The following GABRG2 variants were observed in gnomAD, a reference collection of about 807,000 sequenced individuals.
GABRG2 encodes the protein gamma-aminobutyric acid receptor subunit gamma-2.
GABRG2 carries 16 observed loss-of-function variants against 56.4 expected under a neutral mutation model. The observed-to-expected ratio is 0.28, with a 90% CI of 0.19 to 0.43. The LOEUF (loss-of-function observed/expected upper bound fraction) is 0.43. Among genes scored for constraint, GABRG2 ranks in the 20% least tolerant of loss-of-function variants. The pLI, the probability that GABRG2 is intolerant of heterozygous loss-of-function variation, is 1.00. For synonymous variants in GABRG2, 208 were observed against 205.5 expected, an observed-to-expected ratio of 1.01 and a Z score of -0.10; for missense variants, 327 against 582.7, an observed-to-expected ratio of 0.56 and a Z score of 4.52.
chr5:162,136,356 G>A (rs953445421), intron 6 of GABRG2, among the ~76,000 whole-genome samples: 3 of 152,060 alleles, frequency 2.0e-5, no homozygotes, highest in Non-Finnish European at 2.9e-5. Flanking sequence ...TAGCTCTCGC[G>A]CACTTGAAAT....
Position 162,099,120 on chromosome 5 carries a change from T to C in GABRG2, c.548+1262T>C, listed in dbSNP as rs985298517. Reference sequence around the variant, plus strand: ...ATGTGCTTGCTCAACATACAAAATATAATACTTGAATAGGCTCCAAAATCT... The same window carrying C: ...ATGTGCTTGCTCAACATACAAAATACAATACTTGAATAGGCTCCAAAATCT... On this transcript the variant is annotated intron_variant, in intron 4 of 9. Transcript: ENST00000639213. 2.0e-4 allele frequency: 30 copies of C among 152,140 alleles called. 2 individuals are homozygous for C. Among genetic ancestry groups the C allele is most frequent in the Admixed American group, 1.8e-3 (28 of 15,254 alleles). The allele number at this position is 152,140 out of a possible 1,614,324, so 9.4% of individuals were successfully genotyped here.
At chr5:162,096,943 A>G (rs546668858) in intron 3 of GABRG2, among the ~76,000 whole-genome samples, 1 of 152,144 alleles carries the variant, frequency 6.6e-6, no homozygotes, top group African/African-American at 2.4e-5. Context: ...GTAAATAGTG[A>G]AAAAAACCCT....
intron 6 of GABRG2, among the ~76,000 whole-genome samples, chr5:162,109,387 A>T (rs1762072147): frequency 5.6e-5 from 3 of 53,720 alleles, no homozygotes; most frequent in Non-Finnish European, 1.0e-4. Flanking sequence ...AACTTAAAGT[A>T]TAATATATAT....
chr5:162,122,921 A>G (rs1413342386), intron 6 of GABRG2, among the ~76,000 whole-genome samples: 1 of 151,704 alleles, frequency 6.6e-6, no homozygotes, highest in Admixed American at 6.6e-5. Flanking sequence ...TATTTTGTTG[A>G]TTCTTGTTTA....
Position 162,145,043 on chromosome 5 carries a change from T to G in GABRG2, c.922+2727T>G, listed in dbSNP as rs528169612. 8.4e-4 allele frequency among the ~76,000 whole-genome samples: 128 copies of G among 152,300 alleles called. 1 individual carries two copies. The highest frequency in any genetic ancestry group is 2.9e-3 in the African/African-American group (122 of 41,554). ...CTGCTCTAGACTTCATTGAGTCCCA[T>G]TACTTTTCTCAATGTTTACAATCCA... On this transcript the variant is annotated intron_variant, in intron 7 of 9. Coordinates refer to ENST00000639213, the MANE Select transcript of GABRG2 (RefSeq NM_198904.4).
intron 6 of GABRG2, among the ~76,000 whole-genome samples, chr5:162,105,489 G>T (rs1761744053): frequency 1.4e-5 from 2 of 140,408 alleles, no homozygotes; most frequent in South Asian, 4.6e-4. Context: ...GAGTGCAGTG[G>T]CGAGATCTCT....
chr5:162,141,149 G>A (rs1204679364), intron 6 of GABRG2, among the ~76,000 whole-genome samples: 2 of 151,994 alleles, frequency 1.3e-5, no homozygotes, highest in East Asian at 3.9e-4. Context: ...CCATTCTCCT[G>A]CCTAAGCCTC....
At chr5:162,087,204 C>G (rs1760189776) in intron 1 of GABRG2, among the ~76,000 whole-genome samples, 1 of 151,916 alleles carries the variant, frequency 6.6e-6, no homozygotes, top group East Asian at 1.9e-4. Flanking sequence ...GTTCTGTTCC[C>G]CACAATGAGC....
chr5:162,078,609 G>C (rs1041873901), intron 1 of GABRG2, among the ~76,000 whole-genome samples: 1 of 150,858 alleles, frequency 6.6e-6, no homozygotes, highest in African/African-American at 2.4e-5. Context: ...GTTTCACCAT[G>C]TTAGCCAGGA....
chr5:162,115,242 A>C (rs1454283308), intron 6 of GABRG2, among the ~76,000 whole-genome samples: 1 of 152,260 alleles, frequency 6.6e-6, no homozygotes, highest in Admixed American at 6.5e-5. Context: ...CTCAAAACAA[A>C]TAAAAATCAG....
chr5:162,074,024 GTTGT>G (rs1758886975), intron 1 of GABRG2, among the ~76,000 whole-genome samples: 3 of 151,656 alleles, frequency 2.0e-5, no homozygotes, highest in Non-Finnish European at 2.9e-5. Flanking sequence ...AAATACTTTG[GTTGT>G]TTAGAGATGT....
intron 1 of GABRG2, among the ~76,000 whole-genome samples, chr5:162,069,714 G>A (rs1169545466): frequency 2.6e-5 from 4 of 152,136 alleles, no homozygotes; most frequent in Non-Finnish European, 4.4e-5. Flanking sequence ...GAATATGAGA[G>A]GGCCTTTTAC....
In GABRG2 at chr5:162,149,097, C is replaced by T; in HGVS notation, c.923-11C>T. 1 of 1,612,928 alleles carries T rather than the reference C, an allele frequency of 6.2e-7. No individual in the cohort carries two copies. The highest frequency in any genetic ancestry group is 8.5e-7 in the Non-Finnish European group (1 of 1,179,262). ...CAATCACATGACCTGTATTATTACACCTCTCTTCAGGTATCACCACTGTCC... is the reference window on the plus strand; with the variant it reads ...CAATCACATGACCTGTATTATTACATCTCTCTTCAGGTATCACCACTGTCC... On this transcript the variant is annotated splice_polypyrimidine_tract_variant and intron_variant, in intron 7 of 9. Coordinates refer to ENST00000639213, the MANE Select transcript of GABRG2 (RefSeq NM_198904.4).
rs1180204708 is a variant in GABRG2, at chr5:162,148,979, A to G, written c.923-129A>G. On this transcript the variant is annotated intron_variant, in intron 7 of 9. Coordinates refer to ENST00000639213, the MANE Select transcript of GABRG2 (RefSeq NM_198904.4). The stretch of plus-strand genomic sequence containing the variant: ...TTTGTAAATAGAGTGAATTAAATCC[A>G]CTTATACCTCCTTTCCCATTGCTGA... 3.8e-6 allele frequency: 3 copies of G among 790,952 alleles called. No individual in the cohort carries two copies. In the African/African-American group the frequency reaches 5.1e-5, roughly 13 times the overall value. 49.0% of individuals were successfully genotyped at this position (790,952 alleles called of 1,614,324 possible).
At chr5:162,129,001 T>C (rs1763532379) in intron 6 of GABRG2, among the ~76,000 whole-genome samples, 1 of 152,056 alleles carries the variant, frequency 6.6e-6, no homozygotes, top group African/African-American at 2.4e-5. Context: ...TAGTCTATTA[T>C]ATACTTTCTT....
chr5:162,151,935 G>T, intron 9 of GABRG2, 182 bp downstream of exon 9: 2 of 529,718 alleles, frequency 3.8e-6, no homozygotes, highest in South Asian at 3.0e-5. Context: ...AATTCACATA[G>T]GTTTTAATCT....
chr5:162,109,481 ACTC>A (rs925524113), intron 6 of GABRG2, among the ~76,000 whole-genome samples: 39 of 147,182 alleles, frequency 2.6e-4, no homozygotes, highest in African/African-American at 9.3e-4. Context: ...CACTTGCTTT[ACTC>A]CTCAGTCCCT....
At chr5:162,076,429 T>C (rs1027857200) in intron 1 of GABRG2, among the ~76,000 whole-genome samples, 2 of 152,168 alleles carry the variant, frequency 1.3e-5, no homozygotes, top group African/African-American at 4.8e-5. Flanking sequence ...CTTTGACTTG[T>C]ATGAGATAAG....
intron 1 of GABRG2, among the ~76,000 whole-genome samples, chr5:162,092,319 C>T (rs2113286564): frequency 6.6e-6 from 1 of 152,190 alleles, no homozygotes; most frequent in East Asian, 1.9e-4. Flanking sequence ...CACTAAAGTG[C>T]AAGATGTAAG....
Sources: gnomAD v4.1 joint callset for allele counts (sites outside exome capture counted in the v4.1 genomes callset) on GRCh38, gnomAD v4.1.1 for gene constraint, MANE v1.5 for transcripts, NCBI Gene and HGNC (gene_info 2026-07-23, HGNC 2026-07-21) for gene names.